Variants in PRPSAP1 observed in about 807,000 individuals in gnomAD.
PRPSAP1 encodes phosphoribosyl pyrophosphate synthetase associated protein 1, also known as phosphoribosyl pyrophosphate synthase-associated protein 1.
In PRPSAP1, 31 loss-of-function variants were observed where a neutral mutation model predicts 39.4. The ratio of observed to expected loss-of-function variants is 0.79; its 90% confidence interval spans 0.59 to 1.06. The LOEUF (loss-of-function observed/expected upper bound fraction) is 1.06. Ranked by LOEUF, PRPSAP1 falls within the 50% of genes least tolerant of loss-of-function variation. The pLI, the probability that PRPSAP1 is intolerant of heterozygous loss-of-function variation, is 0.00. For missense variants in PRPSAP1, 430 were observed against 511.6 expected (o/e 0.84, Z 1.54); for synonymous variants, 212 against 192.6 (o/e 1.10, Z -0.83).
At chr17:76,340,235 C>A (rs1398421783) in intron 3 of PRPSAP1, among the ~76,000 whole-genome samples, 1 of 151,752 alleles carries the variant, frequency 6.6e-6, no homozygotes, top group Non-Finnish European at 1.5e-5. Context: ...ATCCTCTCAC[C>A]TTGGTCTCCC....
At chr17:76,344,193 T>C (rs559813885) in intron 3 of PRPSAP1, among the ~76,000 whole-genome samples, 3 of 152,272 alleles carry the variant, frequency 2.0e-5, no homozygotes, top group African/African-American at 7.2e-5. Context: ...AGTGGCGCGA[T>C]CTCGGCTCAC....
chr17:76,348,963 A>G (rs1466993021), intron 1 of PRPSAP1, among the ~76,000 whole-genome samples: 2 of 152,192 alleles, frequency 1.3e-5, no homozygotes, highest in African/African-American at 4.8e-5. Context: ...CAGCACTCTG[A>G]CCAAATGTGG....
At chr17:76,322,959 A>G (rs72858175) in intron 7 of PRPSAP1, among the ~76,000 whole-genome samples, 44,361 of 151,558 alleles carry the variant, frequency 0.29, 7,500 homozygotes, top group African/African-American at 0.46. Context: ...GCACCACTGC[A>G]CTGCAGGTCT....
chr17:76,332,272 C>A lies in PRPSAP1; in HGVS notation c.454G>T (p.Ala152Ser), dbSNP rs1803757. Reference protein sequence around the residue: ...IVCKLLASMLAKAGLTHIITM... With the variant: ...IVCKLLASMLSKAGLTHIITM... Reference sequence around the variant, plus strand: ...CCCCGCGCACACTCACCTGCTTTCGCCAGCATGGATGCTAGCAGCTTGCAC... The same window carrying A: ...CCCCGCGCACACTCACCTGCTTTCGACAGCATGGATGCTAGCAGCTTGCAC... The change falls in exon 4 of 10, where the codon GCG becomes TCG. Residue 152 changes from alanine (A) to serine (S), a missense_variant. Ala to Ser is a moderately conservative substitution (Grantham distance 99). This residue lies in a region of PRPSAP1 where 278 missense variants were observed against 376.3 expected (regional missense o/e 0.74). Transcript: ENST00000446526. 9 of 1,614,048 alleles carry A rather than the reference C, an allele frequency of 5.6e-6. No homozygotes were observed. Among genetic ancestry groups the A allele is most frequent in the Non-Finnish European group, 7.6e-6 (9 of 1,179,966 alleles).
In PRPSAP1 at chr17:76,332,387, C is replaced by T; in HGVS notation, c.339G>A (p.Leu113=). The stretch of plus-strand genomic sequence containing the variant: ...TAATGTTCCTGGCACAGGCAGTCTT[C>T]AGTGCGTAAGCCATGATGAGCAACT... ...VMELLIMAYA[L]KTACARNIIG... Residue 113 remains leucine (L), a synonymous_variant, in exon 4 of 10, where the codon CTG becomes CTA. Coordinates refer to ENST00000446526, the MANE Select transcript of PRPSAP1 (RefSeq NM_002766.3). 1.2e-6 allele frequency: 2 copies of T among 1,614,196 alleles called. No homozygotes were observed. The highest frequency in any genetic ancestry group is 2.2e-5 in the South Asian group (2 of 91,074).
intron 7 of PRPSAP1, among the ~76,000 whole-genome samples, chr17:76,322,257 G>A (rs1437550774): frequency 2.6e-5 from 4 of 152,228 alleles, no homozygotes; most frequent in South Asian, 2.1e-4. Flanking sequence ...TTAGCCAGGC[G>A]TGGTGGTGTA....
intron 7 of PRPSAP1, among the ~76,000 whole-genome samples, chr17:76,320,635 A>T (rs867726360): frequency 6.7e-6 from 1 of 148,432 alleles, no homozygotes; most frequent in African/African-American, 2.5e-5. Context: ...GGGTTTCACC[A>T]TGTTGGCCAG....
intron 6 of PRPSAP1, among the ~76,000 whole-genome samples, chr17:76,329,202 C>T (rs1321797832): frequency 1.3e-5 from 2 of 151,874 alleles, no homozygotes; most frequent in African/African-American, 2.4e-5. Flanking sequence ...TCCCGAGTAG[C>T]GGGGACCACA....
At position 76,332,351 on chromosome 17, in the gene PRPSAP1, G is replaced by A. The variant is rs937862352; in HGVS notation, c.375C>T (p.Ile125=). 8 of 1,614,146 alleles carry A rather than the reference G, an allele frequency of 5.0e-6. No homozygotes were observed. Among genetic ancestry groups the A allele is most frequent in the South Asian group, 1.1e-5 (1 of 91,080 alleles). ...TCTGCTTGCTGTAGGGGAAGTAGGG[G>A]ATGACCCCAATAATGTTCCTGGCAC... The part of the protein sequence containing the change: ...TACARNIIGV[I]PYFPYSKQSK... Residue 125 remains isoleucine, a synonymous_variant, in exon 4 of 10, where the codon ATC becomes ATT. Coordinates refer to ENST00000446526, the MANE Select transcript of PRPSAP1 (RefSeq NM_002766.3).
intron 3 of PRPSAP1, among the ~76,000 whole-genome samples, chr17:76,333,192 C>T (rs1284121502): frequency 6.6e-6 from 1 of 151,974 alleles, no homozygotes; most frequent in East Asian, 1.9e-4. Flanking sequence ...TTCACTGCAA[C>T]CTCCGCCTCC....
At position 76,315,700 on chromosome 17, in the gene PRPSAP1, CTTTTTTTTTTTTTT is replaced by C. The variant is rs71161279; in HGVS notation, c.782-1823_782-1810del. ...ACACGCAGTTATGTTGACCTATCCG[CTTTTTTTTTTTTTT>C]TTTTTTTTTTTTTTTCTTGAGACAG... On this transcript the variant is annotated intron_variant, in intron 7 of 9. Transcript: ENST00000446526. Among the ~76,000 whole-genome samples, 10 of 72,674 alleles carry C rather than the reference CTTTTTTTTTTTTTT, an allele frequency of 1.4e-4. 1 individual carries two copies. The East Asian group carries it at 1.6e-3, about 12-fold the overall frequency. 47.7% of individuals were successfully genotyped at this position (72,674 alleles called of 152,430 possible).
intron 6 of PRPSAP1, 37 bp from the exon 7 acceptor site, chr17:76,328,899 A>G: frequency 1.3e-6 from 2 of 1,578,976 alleles, no homozygotes; most frequent in Non-Finnish European, 1.7e-6. Flanking sequence ...ACTGACAGGA[A>G]GAAATCCCAC....
intron 3 of PRPSAP1, among the ~76,000 whole-genome samples, chr17:76,336,618 G>C (rs1324658150): frequency 6.7e-6 from 1 of 149,574 alleles, no homozygotes; most frequent in Non-Finnish European, 1.5e-5. Context: ...TGTAATCCCA[G>C]TTACTCAGGA....
intron 7 of PRPSAP1, chr17:76,314,280 C>T (rs149773806): frequency 5.1e-5 from 12 of 236,626 alleles, no homozygotes; most frequent in Middle Eastern, 1.8e-3. Context: ...AGTGCAATGA[C>T]GCGATCTTGG....
Position 76,312,392 on chromosome 17 carries a change from GC to G in PRPSAP1, c.999+477del, listed in dbSNP as rs1391021508. On this transcript the variant is annotated intron_variant, in intron 9 of 9. Coordinates refer to ENST00000446526, the MANE Select transcript of PRPSAP1 (RefSeq NM_002766.3). Reference sequence around the variant, plus strand: ...GCAGAGGTTGCAGTGAGCCGAGATTGCCACACTGCACTCCCAGCCTAGGCAA... The same window carrying G: ...GCAGAGGTTGCAGTGAGCCGAGATTGCACACTGCACTCCCAGCCTAGGCAA... 2.0e-5 allele frequency among the ~76,000 whole-genome samples: 3 copies of G among 151,040 alleles called. No individual in the cohort carries two copies. In the East Asian group the frequency reaches 5.8e-4, roughly 29 times the overall value.
chr17:76,313,058 T>C (rs777921966), intron 8 of PRPSAP1, 42 bp from the exon 9 acceptor site: 26 of 1,600,290 alleles, frequency 1.6e-5, no homozygotes, highest in Admixed American at 1.0e-4. Flanking sequence ...AGAAACACCC[T>C]CTAGCCCATA....
At chr17:76,347,167 G>A (rs1056890759) in intron 2 of PRPSAP1, among the ~76,000 whole-genome samples, 1 of 151,316 alleles carries the variant, frequency 6.6e-6, no homozygotes, top group Non-Finnish European at 1.5e-5. Flanking sequence ...CCAAGCAGAG[G>A]GGCAGGCAGT....
chr17:76,340,367 T>G (rs183531430), intron 3 of PRPSAP1, among the ~76,000 whole-genome samples: 1 of 151,872 alleles, frequency 6.6e-6, no homozygotes, highest in African/African-American at 2.4e-5. Flanking sequence ...AAGTCATTTC[T>G]TCATGCTTCT....
In PRPSAP1 at chr17:76,348,910, T is replaced by C. The variant is rs1212194412; in HGVS notation, c.171-329A>G. ...TGATTTCAATAACACACACCAGAGA[T>C]AAATGCCTCAATTATCAAAAGCATA... On this transcript the variant is annotated intron_variant, in intron 1 of 9. Coordinates refer to ENST00000446526, the MANE Select transcript of PRPSAP1 (RefSeq NM_002766.3). Among the ~76,000 whole-genome samples the C allele has an allele frequency of 2.0e-5, 3 of 152,302 alleles. No individual in the cohort carries two copies. In the East Asian group the frequency reaches 5.8e-4, roughly 29 times the overall value.
Sources: allele counts gnomAD v4.1 joint callset (sites outside exome capture counted in the v4.1 genomes callset), GRCh38; gene constraint gnomAD v4.1.1; regional missense constraint gnomAD v4.1.1; transcripts MANE v1.5; gene names NCBI Gene and HGNC (gene_info 2026-07-23, HGNC 2026-07-21).